The following TCF4 variants were observed in gnomAD, a reference collection of about 807,000 sequenced individuals.
TCF4 encodes SL3-3 enhancer factor 2.
Under a neutral mutation model 82.1 loss-of-function variants are expected in TCF4, and 3 were observed. The observed-to-expected ratio is 0.04, with a 90% CI of 0.02 to 0.09. TCF4 has a LOEUF of 0.09. Ranked by LOEUF, TCF4 falls within the 10% of genes least tolerant of loss-of-function variation. The pLI is 1.00. For synonymous variants in TCF4, 276 were observed against 309.6 expected (o/e 0.89, Z 1.14); for missense variants, 518 against 852.7 (o/e 0.61, Z 4.89).
At chr18:55,294,900 G>A (rs2066097439) in intron 8 of TCF4, among the ~76,000 whole-genome samples, 1 of 152,124 alleles carries the variant, frequency 6.6e-6, no homozygotes, top group Non-Finnish European at 1.5e-5. Flanking sequence ...TAAAATAACA[G>A]TTGCAAGAAA....
intron 2 of TCF4, among the ~76,000 whole-genome samples, chr18:55,629,237 C>T (rs757297725): frequency 8.8e-4 from 134 of 152,254 alleles, no homozygotes; most frequent in Middle Eastern, 3.4e-3. Context: ...CCTAAGATCA[C>T]TATCAATTGA....
chr18:55,338,653 G>A (rs1334622903), intron 8 of TCF4, among the ~76,000 whole-genome samples: 2 of 152,102 alleles, frequency 1.3e-5, no homozygotes, highest in South Asian at 2.1e-4. Flanking sequence ...CCCGAAAATT[G>A]ATTTTTTCAT....
chr18:55,369,638 C>T (rs943684086), intron 6 of TCF4, among the ~76,000 whole-genome samples: 6 of 152,188 alleles, frequency 3.9e-5, no homozygotes, highest in Non-Finnish European at 7.3e-5. Context: ...TGCCCTCACA[C>T]CTGCACAGGT....
chr18:55,342,631 C>T (rs1404611798), intron 8 of TCF4, among the ~76,000 whole-genome samples: 2 of 152,132 alleles, frequency 1.3e-5, no homozygotes, highest in Non-Finnish European at 2.9e-5. Context: ...CTAAACACTG[C>T]TGCCTCCTTA....
At chr18:55,311,572 A>G (rs1274542830) in intron 8 of TCF4, among the ~76,000 whole-genome samples, 2 of 152,222 alleles carry the variant, frequency 1.3e-5, no homozygotes, top group African/African-American at 4.8e-5. Flanking sequence ...AACAATGTCC[A>G]TCTCGAGGAG....
chr18:55,292,189 G>C (rs1354059342), intron 8 of TCF4, among the ~76,000 whole-genome samples: 1 of 151,998 alleles, frequency 6.6e-6, no homozygotes, highest in Non-Finnish European at 1.5e-5. Flanking sequence ...TGTGCTACTG[G>C]CTACCTCAAA....
chr18:55,515,734 C>G (rs2096874856), intron 3 of TCF4, among the ~76,000 whole-genome samples: 1 of 152,054 alleles, frequency 6.6e-6, no homozygotes, highest in South Asian at 2.1e-4. Context: ...ACATTATATA[C>G]AGAATGTCGT....
chr18:55,582,344 A>G (rs560689137), intron 3 of TCF4, among the ~76,000 whole-genome samples: 2 of 152,262 alleles, frequency 1.3e-5, no homozygotes, highest in South Asian at 2.1e-4. Flanking sequence ...GGTTATAACT[A>G]TTTCTTAAAA....
At chr18:55,302,671 T>A in intron 8 of TCF4, 3 of 1,440,446 alleles carry the variant, frequency 2.1e-6, no homozygotes, top group Non-Finnish European at 9.2e-7. Flanking sequence ...GGCCTAGGGG[T>A]GGGAGGGCCT....
At chr18:55,299,177 G>A (rs766660860) in intron 8 of TCF4, among the ~76,000 whole-genome samples, 18 of 152,164 alleles carry the variant, frequency 1.2e-4, no homozygotes, top group African/African-American at 2.2e-4. Context: ...TTGGGAGGCC[G>A]AGGTGGGCGG....
chr18:55,253,278 A>G (rs1417897365), intron 15 of TCF4, among the ~76,000 whole-genome samples: 1 of 152,192 alleles, frequency 6.6e-6, no homozygotes, highest in African/African-American at 2.4e-5. Context: ...AATAATTTGT[A>G]TGTATTTTGC....
chr18:55,471,889 A>T (rs1169258977), intron 3 of TCF4, among the ~76,000 whole-genome samples: 1 of 152,210 alleles, frequency 6.6e-6, no homozygotes, highest in African/African-American at 2.4e-5. Flanking sequence ...ATAAATCTGA[A>T]ACTCAAAGGT....
chr18:55,363,856 T>C (rs1434998269), intron 6 of TCF4, among the ~76,000 whole-genome samples: 1 of 151,998 alleles, frequency 6.6e-6, no homozygotes, highest in East Asian at 1.9e-4. Context: ...ATCCAAACCA[T>C]ACAAAGTTGA....
intron 8 of TCF4, among the ~76,000 whole-genome samples, chr18:55,312,889 A>C (rs1209603848): frequency 6.6e-6 from 1 of 152,126 alleles, no homozygotes; most frequent in Non-Finnish European, 1.5e-5. Context: ...GTGTTAATAG[A>C]AAAATCAATT....
Position 55,575,565 on chromosome 18 carries a change from CTT to C in TCF4, c.145+9713_145+9714del, listed in dbSNP as rs369810551. On this transcript the variant is annotated intron_variant, in intron 3 of 19. Coordinates refer to ENST00000354452, the MANE Select transcript of TCF4 (RefSeq NM_001083962.2). ...CTTTTACATGAGTCTAGAATATCCT[CTT>C]TGTCATAAATTTTTTTTTTTACTCT... Among the ~76,000 whole-genome samples the C allele has an allele frequency of 6.1e-4, 93 of 152,066 alleles. 4 individuals are homozygous for C. The South Asian group carries it at 0.016, about 26-fold the overall frequency.
At chr18:55,344,497 A>G in intron 8 of TCF4, among the ~76,000 whole-genome samples, 1 of 152,126 alleles carries the variant, frequency 6.6e-6, no homozygotes, top group Admixed American at 6.6e-5. Context: ...AAAACTTCAC[A>G]CCAAAATATA....
chr18:55,407,231 C>T (rs1166519532), intron 5 of TCF4, among the ~76,000 whole-genome samples: 1 of 152,008 alleles, frequency 6.6e-6, no homozygotes, highest in African/African-American at 2.4e-5. Flanking sequence ...ATGGAGTACA[C>T]GAAGGGCTGA....
chr18:55,272,565 C>T (rs1167921462), intron 10 of TCF4, among the ~76,000 whole-genome samples: 1 of 152,020 alleles, frequency 6.6e-6, no homozygotes, highest in Non-Finnish European at 1.5e-5. Flanking sequence ...GTTTCCATTA[C>T]TGATATACTG....
chr18:55,401,041 A>G, intron 6 of TCF4: 1 of 1,289,116 alleles, frequency 7.8e-7, no homozygotes, highest in Non-Finnish European at 1.0e-6. Context: ...GTGATCTGCT[A>G]TTTAGACTTG....
Sources: gnomAD v4.1 joint callset for allele counts (sites outside exome capture counted in the v4.1 genomes callset) on GRCh38, gnomAD v4.1.1 for gene constraint, MANE v1.5 for transcripts, NCBI Gene and HGNC (gene_info 2026-07-23, HGNC 2026-07-21) for gene names.